Variants in RBMS3 observed in about 807,000 individuals in gnomAD.
RBMS3 encodes RNA-binding motif, single-stranded-interacting protein 3.
A neutral mutation model predicts 66.8 loss-of-function variants in RBMS3; 27 were observed. The ratio of observed to expected loss-of-function variants is 0.40; its 90% confidence interval spans 0.30 to 0.56. RBMS3 has a LOEUF of 0.56. RBMS3 is among the 20% of genes least tolerant of loss of function. The pLI is 0.40. For missense variants in RBMS3, 513 were observed against 549.5 expected, an observed-to-expected ratio of 0.93 and a Z score of 0.66; for synonymous variants, 188 against 183.0, an observed-to-expected ratio of 1.03 and a Z score of -0.22.
intron 3 of RBMS3, among the ~76,000 whole-genome samples, chr3:29,494,718 G>T (rs965349313): frequency 1.3e-5 from 2 of 152,176 alleles, no homozygotes; most frequent in African/African-American, 4.8e-5. Context: ...TGGAAACAAG[G>T]TGTAAATCTT....
intron 1 of RBMS3, among the ~76,000 whole-genome samples, chr3:29,399,690 A>G (rs144802146): frequency 8.0e-4 from 107 of 134,182 alleles, no homozygotes; most frequent in Middle Eastern, 3.5e-3. Flanking sequence ...CACTGAATCT[A>G]TTACCTTGAT....
chr3:29,879,557 C>A (rs2149571239), intron 7 of RBMS3, among the ~76,000 whole-genome samples: 1 of 152,162 alleles, frequency 6.6e-6, no homozygotes, highest in African/African-American at 2.4e-5. Context: ...ATTTTCTATA[C>A]ATTTATTAAA....
At chr3:29,985,757 C>A (rs983894088) in intron 12 of RBMS3, among the ~76,000 whole-genome samples, 1 of 152,180 alleles carries the variant, frequency 6.6e-6, no homozygotes, top group Non-Finnish European at 1.5e-5. Context: ...CTGCATTGAT[C>A]TTGCTGGGAG....
chr3:29,951,432 A>C (rs1043936740), intron 12 of RBMS3, among the ~76,000 whole-genome samples: 8 of 151,636 alleles, frequency 5.3e-5, no homozygotes, highest in Non-Finnish European at 1.0e-4. Flanking sequence ...GAGTTACTTA[A>C]ATTTTCTGAA....
chr3:29,628,531 G>A (rs2049154313), intron 4 of RBMS3, among the ~76,000 whole-genome samples: 1 of 152,016 alleles, frequency 6.6e-6, no homozygotes, highest in African/African-American at 2.4e-5. Flanking sequence ...CGTCTCACCT[G>A]AAACCCTCAC....
At chr3:29,812,381 A>AAGAGAC (rs1319011847) in intron 6 of RBMS3, among the ~76,000 whole-genome samples, 1 of 152,154 alleles carries the variant, frequency 6.6e-6, no homozygotes, top group African/African-American at 2.4e-5. Flanking sequence ...GAAAGTTTTA[A>AAGAGAC]AGAGACCGTC....
intron 4 of RBMS3, among the ~76,000 whole-genome samples, chr3:29,684,937 T>C (rs1218597913): frequency 6.6e-6 from 1 of 152,172 alleles, no homozygotes; most frequent in Non-Finnish European, 1.5e-5. Flanking sequence ...TTGCATGTTT[T>C]ATTGTTTCTT....
At chr3:30,002,439 T>G (rs2125404607) in intron 14 of RBMS3, among the ~76,000 whole-genome samples, 1 of 151,966 alleles carries the variant, frequency 6.6e-6, no homozygotes, top group South Asian at 2.1e-4. Flanking sequence ...AAAAAAATTG[T>G]TCCCTTAGTA....
chr3:29,760,301 A>C (rs1023800661), intron 5 of RBMS3, among the ~76,000 whole-genome samples: 10 of 151,384 alleles, frequency 6.6e-5, no homozygotes, highest in Middle Eastern at 3.4e-3. Flanking sequence ...ACACACACAC[A>C]CCCCTAGTAT....
intron 14 of RBMS3, among the ~76,000 whole-genome samples, chr3:29,995,200 G>A (rs1403148136): frequency 6.6e-6 from 1 of 152,052 alleles, no homozygotes; most frequent in Non-Finnish European, 1.5e-5. Context: ...GAAGCGAGAA[G>A]GGAAGTTTAG....
intron 12 of RBMS3, among the ~76,000 whole-genome samples, chr3:29,947,736 T>G (rs1282058222): frequency 6.6e-6 from 1 of 151,448 alleles, no homozygotes; most frequent in Non-Finnish European, 1.5e-5. Context: ...TGTAAAGGCA[T>G]AGTAAAATGC....
chr3:29,593,837 G>A (rs1376960257), intron 4 of RBMS3, among the ~76,000 whole-genome samples: 1 of 152,112 alleles, frequency 6.6e-6, no homozygotes, highest in African/African-American at 2.4e-5. Flanking sequence ...TTCACATAGG[G>A]TATTACAAAA....
intron 1 of RBMS3, among the ~76,000 whole-genome samples, chr3:29,418,655 T>A (rs1396876865): frequency 6.6e-6 from 1 of 152,172 alleles, no homozygotes; most frequent in East Asian, 1.9e-4. Flanking sequence ...GTGTATACTT[T>A]GAGAATCTTT....
intron 4 of RBMS3, among the ~76,000 whole-genome samples, chr3:29,623,742 G>A (rs2048960701): frequency 6.6e-6 from 1 of 152,080 alleles, no homozygotes; most frequent in South Asian, 2.1e-4. Flanking sequence ...TTCAGCTAGA[G>A]GAAAAAAATC....
chr3:29,409,198 C>T (rs1359527232), intron 1 of RBMS3, among the ~76,000 whole-genome samples: 1 of 152,136 alleles, frequency 6.6e-6, no homozygotes, highest in Non-Finnish European at 1.5e-5. Context: ...AAAACAATAA[C>T]TATTTTTTCT....
At chr3:29,352,860 G>T (rs527866013) in intron 1 of RBMS3, among the ~76,000 whole-genome samples, 1 of 151,340 alleles carries the variant, frequency 6.6e-6, no homozygotes, top group Non-Finnish European at 1.5e-5. Flanking sequence ...TCTCTGCCAG[G>T]CCTATTTTAC....
At chr3:29,363,879 G>C (rs1489449264) in intron 1 of RBMS3, among the ~76,000 whole-genome samples, 1 of 149,278 alleles carries the variant, frequency 6.7e-6, no homozygotes, top group Non-Finnish European at 1.5e-5. Context: ...ATTTTTTTTT[G>C]CTATCAAATA....
intron 5 of RBMS3, among the ~76,000 whole-genome samples, chr3:29,743,338 T>C (rs1283279108): frequency 6.6e-6 from 1 of 152,234 alleles, no homozygotes; most frequent in Non-Finnish European, 1.5e-5. Context: ...ACAGAGATGA[T>C]TTCAGTCACC....
intron 4 of RBMS3, among the ~76,000 whole-genome samples, chr3:29,633,114 T>A (rs1181620719): frequency 6.6e-6 from 1 of 151,836 alleles, no homozygotes; most frequent in African/African-American, 2.4e-5. Context: ...TTCAAATACA[T>A]AACCATAACT....
Sources: gnomAD v4.1 joint callset for allele counts (sites outside exome capture counted in the v4.1 genomes callset) on GRCh38, gnomAD v4.1.1 for gene constraint, MANE v1.5 for transcripts, NCBI Gene and HGNC (gene_info 2026-07-23, HGNC 2026-07-21) for gene names.